FAT4: variants seen among roughly 807,000 people sequenced by gnomAD.
FAT4 encodes protocadherin Fat 4.
Under a neutral mutation model 303.9 loss-of-function variants are expected in FAT4, and 84 were observed. That is an observed-to-expected ratio of 0.28 (90% CI 0.23 to 0.33). The LOEUF (loss-of-function observed/expected upper bound fraction) is 0.33, where lower values mean the gene tolerates loss of function less well. Ranked by LOEUF, FAT4 falls within the 10% of genes least tolerant of loss-of-function variation. The pLI, the probability that FAT4 is intolerant of heterozygous loss-of-function variation, is 1.00. For synonymous variants in FAT4, 2,307 were observed against 2,298.8 expected, an observed-to-expected ratio of 1.00 and a Z score of -0.10; for missense variants, 6,005 against 6,146.8, an observed-to-expected ratio of 0.98 and a Z score of 0.77.
In FAT4 at chr4:125,450,455, A is replaced by T; in HGVS notation, c.9445A>T (p.Thr3149Ser). Residue 3149 changes from threonine to serine, a missense_variant, in exon 10 of 18, where the codon ACA (threonine) becomes TCA (serine). Physicochemically the swap from Thr to Ser is moderately conservative, Grantham distance 58 (BLOSUM62 1). Transcript: ENST00000394329. The stretch of plus-strand genomic sequence containing the variant: ...AATCAATTCTTCTACAGGTATATTA[A>T]CACTAGCCAAAGCTCTTGATTATGA... ...FAINSSTGIL[T>S]LAKALDYELC... 6.2e-7 allele frequency: 1 copy of T among 1,614,100 alleles called. No individual in the cohort carries two copies. The highest frequency in any genetic ancestry group is 8.5e-7 in the Non-Finnish European group (1 of 1,179,988).
In FAT4 at chr4:125,316,472, G is replaced by C; in HGVS notation, c.61G>C (p.Val21Leu). The C allele has an allele frequency of 1.3e-5, 21 of 1,613,864 alleles. No individual in the cohort carries two copies. Among genetic ancestry groups the C allele is most frequent in the Non-Finnish European group, 1.7e-5 (20 of 1,180,018 alleles). The change falls in exon 2 of 18, where the codon GTA becomes CTA. Residue 21 changes from valine to leucine, a missense_variant. Coordinates refer to ENST00000394329, the MANE Select transcript of FAT4 (RefSeq NM_001291303.3). This position sits in a 1 kb window ranked among gnomAD's most constrained non-coding sequence, Gnocchi z 5.7. The stretch of plus-strand genomic sequence containing the variant: ...GTGGCTCCCGTTGCACACTCTATCA[G>C]TATCTCAGCTCCTTCGAGTGTTTTG... The part of the protein sequence containing the change: ...RPWLPLHTLS[V>L]SQLLRVFWLL...
At chr4:125,475,582 A>C (rs1726999767) in intron 12 of FAT4, among the ~76,000 whole-genome samples, 1 of 152,130 alleles carries the variant, frequency 6.6e-6, no homozygotes, top group Admixed American at 6.6e-5. Flanking sequence ...AATATGCTGT[A>C]ATGTTATTTA....
intron 10 of FAT4, among the ~76,000 whole-genome samples, chr4:125,460,553 A>G (rs995739289): frequency 4.0e-5 from 6 of 151,796 alleles, no homozygotes; most frequent in Non-Finnish European, 5.9e-5. Context: ...TTCTGTTCCT[A>G]TGTTAGTTTG....
At chr4:125,478,331 C>G (rs1444351872) in intron 14 of FAT4, among the ~76,000 whole-genome samples, 1 of 152,142 alleles carries the variant, frequency 6.6e-6, no homozygotes, top group Non-Finnish European at 1.5e-5. Flanking sequence ...GGGATTGCCA[C>G]CATTGTTAAT....
At chr4:125,355,861 C>CAG (rs979668256) in intron 2 of FAT4, among the ~76,000 whole-genome samples, 4 of 151,888 alleles carry the variant, frequency 2.6e-5, no homozygotes, top group Non-Finnish European at 5.9e-5. Context: ...TCTATAGGGC[C>CAG]AGAAGCCATA....
intron 3 of FAT4, among the ~76,000 whole-genome samples, chr4:125,400,564 G>A (rs949204384): frequency 1.3e-5 from 2 of 151,884 alleles, no homozygotes; most frequent in African/African-American, 2.4e-5. Flanking sequence ...GCACACACTT[G>A]CATTGCCTCC....
intron 2 of FAT4, among the ~76,000 whole-genome samples, chr4:125,351,189 T>A (rs1014450995): frequency 6.6e-6 from 1 of 151,778 alleles, no homozygotes; most frequent in African/African-American, 2.4e-5. Flanking sequence ...CAATTGATCA[T>A]ATGATTTTCT....
At chr4:125,328,500 A>G (rs111240539) in intron 2 of FAT4, among the ~76,000 whole-genome samples, 2 of 152,218 alleles carry the variant, frequency 1.3e-5, no homozygotes, top group Non-Finnish European at 2.9e-5. Flanking sequence ...GTAAAAACCA[A>G]AGAATTTTAA....
chr4:125,443,799 A>G (rs112379307), intron 8 of FAT4, among the ~76,000 whole-genome samples: 16 of 152,316 alleles, frequency 1.1e-4, no homozygotes, highest in African/African-American at 3.8e-4. Flanking sequence ...AAGAGAGGTC[A>G]TCAGGAGGGA....
chr4:125,318,178 T>C lies in FAT4; in HGVS notation c.1767T>C (p.Asp589=), dbSNP rs1165857285. The change falls in exon 2 of 18, where the codon GAT becomes GAC. Residue 589 remains aspartate (D), a synonymous_variant. Transcript: ENST00000394329. ...TATTTAGCCAGCCAGAAGGGTATGA[T>C]GTGTCTGTGGTTGAGAATGCCCCAA... ...KPVFSQPEGY[D]VSVVENAPTG... 6.2e-7 allele frequency: 1 copy of C among 1,614,186 alleles called. No individual in the cohort carries two copies. Among genetic ancestry groups the C allele is most frequent in the East Asian group, 2.2e-5 (1 of 44,856 alleles).
intron 2 of FAT4, among the ~76,000 whole-genome samples, chr4:125,376,882 T>A (rs1279123615): frequency 6.6e-6 from 1 of 152,088 alleles, no homozygotes; most frequent in Non-Finnish European, 1.5e-5. Context: ...TGAAACTCTA[T>A]CTCAAAAATA....
At chr4:125,394,016 A>G in intron 2 of FAT4, 1 of 779,690 alleles carries the variant, frequency 1.3e-6, no homozygotes, top group East Asian at 2.4e-5. Context: ...TAAGTCAAGC[A>G]CAGATCTACC....
At chr4:125,467,391 T>A (rs1726703384) in intron 11 of FAT4, among the ~76,000 whole-genome samples, 1 of 152,184 alleles carries the variant, frequency 6.6e-6, no homozygotes. Flanking sequence ...AAGCCAAAAT[T>A]AAGAAATGAA....
In FAT4 at chr4:125,319,675, A is replaced by G; in HGVS notation, c.3264A>G (p.Val1088=). The change falls in exon 2 of 18, where the codon GTA becomes GTG. Residue 1088 remains valine (V), a synonymous_variant. Transcript: ENST00000394329. ...EPLSATVNVT[V]ILEDVNDNRP... ...TTAGTGCTACTGTGAATGTTACTGTAATTTTAGAAGATGTAAATGATAACA... is the reference window on the plus strand; with the variant it reads ...TTAGTGCTACTGTGAATGTTACTGTGATTTTAGAAGATGTAAATGATAACA... 6.2e-7 allele frequency: 1 copy of G among 1,614,048 alleles called. No individual in the cohort carries two copies. The highest frequency in any genetic ancestry group is 8.5e-7 in the Non-Finnish European group (1 of 1,179,898).
rs1346043262 is a variant in FAT4 at position 125,316,049 on chromosome 4, C to T, written c.-13+72C>T. Among the ~76,000 whole-genome samples, 1 of 152,154 alleles carries T rather than the reference C, an allele frequency of 6.6e-6. No individual in the cohort carries two copies. The highest frequency in any genetic ancestry group is 1.5e-5 in the Non-Finnish European group (1 of 68,030). On this transcript the variant is annotated intron_variant, in intron 1 of 17. Transcript: ENST00000394329. This position sits in a 1 kb window ranked among gnomAD's most constrained non-coding sequence, Gnocchi z 5.7. ...TATACCTTAGATACAGGCAACTTCTCCCAACTCTCATCCACCCGGGTGAAA... is the reference window on the plus strand; with the variant it reads ...TATACCTTAGATACAGGCAACTTCTTCCAACTCTCATCCACCCGGGTGAAA...
rs778278156 is a variant in FAT4 at position 125,448,469 on chromosome 4, G to C, written c.7459G>C (p.Val2487Leu). Residue 2487 changes from valine to leucine, a missense_variant, in exon 10 of 18, where the codon GTC becomes CTC. By Grantham distance (32) the Val-to-Leu change is conservative (BLOSUM62 1). Transcript: ENST00000394329. The part of the protein sequence containing the change: ...IPSPTLPGSF[V>L]FAVTVTDADI... ...CACTTTCTCTTTTATAGGTTCCTTT[G>C]TCTTTGCGGTTACAGTCACAGATGC... 6.3e-7 allele frequency: 1 copy of C among 1,599,414 alleles called. No homozygotes were observed. Among genetic ancestry groups the C allele is most frequent in the East Asian group, 2.2e-5 (1 of 44,670 alleles).
In FAT4 at chr4:125,321,274, T is replaced by G; in HGVS notation, c.4863T>G (p.Leu1621=). The G allele has an allele frequency of 6.2e-7, 1 of 1,614,086 alleles. No individual in the cohort carries two copies. The highest frequency in any genetic ancestry group is 8.5e-7 in the Non-Finnish European group (1 of 1,179,920). ...RKSTTELTII[L]QGLDGPVFTQ... ...CGACCACTGAATTGACCATCATTCT[T>G]CAGGGCCTTGATGGACCTGTTTTTA... is the stretch of plus-strand genomic sequence containing the variant. Residue 1621 remains leucine, a synonymous_variant, in exon 2 of 18, where the codon CTT becomes CTG. Coordinates refer to ENST00000394329, the MANE Select transcript of FAT4 (RefSeq NM_001291303.3).
At chr4:125,391,160 A>G (rs1010700360) in intron 2 of FAT4, among the ~76,000 whole-genome samples, 2 of 152,166 alleles carry the variant, frequency 1.3e-5, no homozygotes, top group East Asian at 1.9e-4. Context: ...CAGCAATCCC[A>G]TTACTGGGTA....
In FAT4 at chr4:125,318,717, G is replaced by A; in HGVS notation, c.2306G>A (p.Gly769Asp). 1 of 1,613,984 alleles carries A rather than the reference G, an allele frequency of 6.2e-7. No homozygotes were observed. ...TTGCAAATAGTAGCTACTGATGGTGGCAATTTACAATCTCCCAACCAGGCA... is the reference window on the plus strand; with the variant it reads ...TTGCAAATAGTAGCTACTGATGGTGACAATTTACAATCTCCCAACCAGGCA... ...YQLQIVATDG[G>D]NLQSPNQAIV... is the part of the protein sequence containing the mutation. The change falls in exon 2 of 18, where the codon GGC becomes GAC. Residue 769 changes from glycine to aspartate, a missense_variant. Gly to Asp is a moderately conservative substitution (Grantham distance 94, BLOSUM62 -1). Transcript: ENST00000394329.
Sources: allele counts gnomAD v4.1 joint callset (sites outside exome capture counted in the v4.1 genomes callset), GRCh38; gene constraint gnomAD v4.1.1; non-coding constraint Gnocchi (gnomAD v3.1); transcripts MANE v1.5; gene names NCBI Gene and HGNC (gene_info 2026-07-23, HGNC 2026-07-21).